Variants in RAB3C observed in about 807,000 individuals in gnomAD.
RAB3C encodes ras-related protein Rab-3C.
A neutral mutation model predicts 26.4 loss-of-function variants in RAB3C; 17 were observed. That is an observed-to-expected ratio of 0.64 (90% CI 0.44 to 0.97). RAB3C has a LOEUF of 0.97. Ranked by LOEUF, RAB3C falls within the 50% of genes least tolerant of loss-of-function variation. The probability of loss-of-function intolerance (pLI) is 0.00; values close to 1 mark genes in which losing one functional copy is unlikely to be tolerated. For missense variants in RAB3C, 242 were observed against 281.9 expected (o/e 0.86, Z 1.01); for synonymous variants, 91 against 95.9 (o/e 0.95, Z 0.30).
chr5:58,784,023 G>A (rs1331652467), intron 3 of RAB3C, among the ~76,000 whole-genome samples: 3 of 152,064 alleles, frequency 2.0e-5, no homozygotes, highest in Non-Finnish European at 4.4e-5. Context: ...TAGCAGCCCT[G>A]GTATATTGTG....
At chr5:58,662,503 A>G (rs1747925309) in intron 2 of RAB3C, among the ~76,000 whole-genome samples, 1 of 150,316 alleles carries the variant, frequency 6.7e-6, no homozygotes, top group Admixed American at 6.6e-5. Context: ...CAAGCCAAGT[A>G]TATTAAAATT....
chr5:58,662,941 A>G (rs903916047), intron 2 of RAB3C, among the ~76,000 whole-genome samples: 5 of 150,478 alleles, frequency 3.3e-5, no homozygotes, highest in African/African-American at 1.3e-4. Flanking sequence ...AAGTTTTAAC[A>G]CAATGAAGGC....
At chr5:58,708,140 A>AC (rs1007223994) in intron 2 of RAB3C, among the ~76,000 whole-genome samples, 3 of 151,074 alleles carry the variant, frequency 2.0e-5, no homozygotes, top group South Asian at 2.1e-4. Flanking sequence ...ATAGGTGCAC[A>AC]CCCCCACACC....
chr5:58,639,912 C>A (rs1747377735), intron 2 of RAB3C, among the ~76,000 whole-genome samples: 1 of 152,178 alleles, frequency 6.6e-6, no homozygotes. Flanking sequence ...AGATGTTACC[C>A]TTCCTTCCCC....
intron 2 of RAB3C, among the ~76,000 whole-genome samples, chr5:58,635,705 T>C (rs1747276590): frequency 6.6e-6 from 1 of 152,134 alleles, no homozygotes; most frequent in South Asian, 2.1e-4. Flanking sequence ...TCTAGAGTAG[T>C]TGTCCCCTGA....
chr5:58,690,689 G>C (rs577262911), intron 2 of RAB3C, among the ~76,000 whole-genome samples: 1 of 152,172 alleles, frequency 6.6e-6, no homozygotes, highest in Admixed American at 6.5e-5. Context: ...TAAAAAACTT[G>C]AAACTGTCAG....
At chr5:58,703,767 A>C (rs966880423) in intron 2 of RAB3C, among the ~76,000 whole-genome samples, 1 of 152,170 alleles carries the variant, frequency 6.6e-6, no homozygotes, top group Non-Finnish European at 1.5e-5. Flanking sequence ...CTTTTAACAA[A>C]TTTTGATGCG....
At chr5:58,682,830 A>G (rs1030915669) in intron 2 of RAB3C, among the ~76,000 whole-genome samples, 1 of 152,228 alleles carries the variant, frequency 6.6e-6, no homozygotes, top group African/African-American at 2.4e-5. Flanking sequence ...TCACCCTTCC[A>G]TGAATCCATA....
intron 1 of RAB3C, among the ~76,000 whole-genome samples, chr5:58,587,315 A>G (rs1746032731): frequency 6.6e-6 from 1 of 152,160 alleles, no homozygotes; most frequent in South Asian, 2.1e-4. Flanking sequence ...GGTTTTCTTG[A>G]AACTACTCTT....
chr5:58,761,063 T>TCACACACACACA (rs3060342), intron 3 of RAB3C, among the ~76,000 whole-genome samples: 2 of 144,716 alleles, frequency 1.4e-5, no homozygotes, highest in Admixed American at 6.9e-5. Flanking sequence ...TCTCTCTCTC[T>TCACACACACACA]CACACACACA....
At chr5:58,851,074 C>A in intron 4 of RAB3C, 90 bp from the exon 5 acceptor site, 1 of 1,258,226 alleles carries the variant, frequency 7.9e-7, no homozygotes, top group Non-Finnish European at 1.1e-6. Context: ...GTCTCACCAT[C>A]ACCTCATCAC....
chr5:58,617,706 A>AT lies in RAB3C; in HGVS notation c.89dup (p.Met30IlefsTer10), dbSNP rs749026480. 1 of 1,614,010 alleles carries AT rather than the reference A, an allele frequency of 6.2e-7. No homozygotes were observed. The highest frequency in any genetic ancestry group is 8.5e-7 in the Non-Finnish European group (1 of 1,179,914). On this transcript the variant is annotated frameshift_variant, in exon 2 of 5. Coordinates refer to ENST00000282878, the MANE Select transcript of RAB3C (RefSeq NM_138453.4). LOFTEE classifies it high-confidence loss of function. ...CTCCTCTGATCAGAACTTTGACTAC[A>AT]TGTTCAAATTACTCATCATCGGCAA...
intron 1 of RAB3C, among the ~76,000 whole-genome samples, chr5:58,583,939 G>A (rs1401421435): frequency 6.6e-6 from 1 of 152,140 alleles, no homozygotes; most frequent in South Asian, 2.1e-4. Context: ...AAGGACTCTG[G>A]TGCAGAAGTA....
rs554578191 is a variant in RAB3C, at chr5:58,761,335, T to C, written c.371+35215T>C. 3.9e-5 allele frequency among the ~76,000 whole-genome samples: 6 copies of C among 152,360 alleles called. No homozygotes were observed. The South Asian group carries it at 8.3e-4, about 21-fold the overall frequency. The stretch of plus-strand genomic sequence containing the variant: ...TTAATGACTTTTTACCTGATAGTTA[T>C]ATAATGTGTTCTTTCTTTACAAATA... On this transcript the variant is annotated intron_variant, in intron 3 of 4. Coordinates refer to ENST00000282878, the MANE Select transcript of RAB3C (RefSeq NM_138453.4).
chr5:58,612,636 T>C (rs1746740052), intron 1 of RAB3C, among the ~76,000 whole-genome samples: 1 of 150,348 alleles, frequency 6.7e-6, no homozygotes, highest in East Asian at 1.9e-4. Flanking sequence ...GTTATTGGTG[T>C]TTAGGAATAC....
chr5:58,626,586 C>G (rs1747057483), intron 2 of RAB3C, among the ~76,000 whole-genome samples: 1 of 152,138 alleles, frequency 6.6e-6, no homozygotes, highest in Non-Finnish European at 1.5e-5. Flanking sequence ...TGACCTTGGA[C>G]AAGTTAATTA....
chr5:58,639,821 GTCT>G (rs1477055966), intron 2 of RAB3C, among the ~76,000 whole-genome samples: 1 of 152,074 alleles, frequency 6.6e-6, no homozygotes, highest in African/African-American at 2.4e-5. Context: ...TTCAAATAGT[GTCT>G]TCTCTAAAAC....
intron 1 of RAB3C, among the ~76,000 whole-genome samples, chr5:58,615,045 T>G (rs1254727627): frequency 1.3e-5 from 2 of 152,116 alleles, no homozygotes; most frequent in Admixed American, 6.6e-5. Flanking sequence ...ATCTGCAGAT[T>G]GTGGTGTCCA....
At chr5:58,813,677 T>C (rs1743147821) in intron 3 of RAB3C, among the ~76,000 whole-genome samples, 1 of 69,182 alleles carries the variant, frequency 1.4e-5, no homozygotes, top group African/African-American at 9.5e-5. Context: ...CCACAGCTTT[T>C]ATCCAAATAT....
Sources: gnomAD v4.1 joint callset for allele counts (sites outside exome capture counted in the v4.1 genomes callset) on GRCh38, gnomAD v4.1.1 for gene constraint, MANE v1.5 for transcripts, NCBI Gene and HGNC (gene_info 2026-07-23, HGNC 2026-07-21) for gene names.